Variants in RPGR observed in about 807,000 individuals in gnomAD.
The protein encoded by RPGR is retinitis pigmentosa GTPase regulator.
In RPGR, 10 loss-of-function variants were observed where a neutral mutation model predicts 56.3. The observed-to-expected ratio is 0.18, with a 90% CI of 0.11 to 0.30. The LOEUF (loss-of-function observed/expected upper bound fraction) is 0.30, where lower values mean the gene tolerates loss of function less well. Among genes scored for constraint, RPGR ranks in the 10% least tolerant of loss-of-function variants. RPGR has a pLI of 1.00. For synonymous variants in RPGR, 197 were observed against 212.9 expected (o/e 0.93, Z 0.65); for missense variants, 538 against 590.9 (o/e 0.91, Z 0.93).
At chrX:38,303,702 G>C (rs1428568846) in intron 8 of RPGR, 8 of 294,542 alleles carry the variant, frequency 2.7e-5, no homozygotes, top group Non-Finnish European at 4.1e-5. Context: ...TTCTCTGAAA[G>C]CTTCTTTGGG....
chrX:38,324,152 C>T (rs1197865226), intron 1 of RPGR, among the ~76,000 whole-genome samples: 4 of 111,928 alleles, frequency 3.6e-5, no homozygotes, highest in Non-Finnish European at 7.5e-5. Context: ...GGCACAATCA[C>T]GGCTAACTGC....
chrX:38,276,621 G>A lies in RPGR; in HGVS notation c.2057C>T (p.Thr686Ile). The change falls in exon 16 of 19, where the codon ACC (threonine) becomes ATC (isoleucine). Residue 686 changes from threonine (T) to isoleucine (I), a missense_variant. Thr to Ile is a moderately conservative substitution (Grantham distance 89). Around this residue, in one of 2 missense-constraint regions of RPGR, gnomAD observed 357 missense variants for 325.8 expected, o/e 1.10. Coordinates refer to ENST00000642395, the MANE Select transcript of RPGR (RefSeq NM_000328.3). Reference sequence around the variant, plus strand: ...AGTTTCAGCTGAGCTATCATCATTGGTTCTTTCTGCTCCTTCTGTTTTACT... The same window carrying A: ...AGTTTCAGCTGAGCTATCATCATTGATTCTTTCTGCTCCTTCTGTTTTACT... 1 of 1,210,919 alleles carries A rather than the reference G, an allele frequency of 8.3e-7. No individual in the cohort carries two copies. Among genetic ancestry groups the A allele is most frequent in the Non-Finnish European group, 1.1e-6 (1 of 895,137 alleles).
intron 15 of RPGR, among the ~76,000 whole-genome samples, chrX:38,283,633 T>C (rs1310787969): frequency 8.9e-6 from 1 of 111,819 alleles, no homozygotes; most frequent in Admixed American, 9.5e-5. Flanking sequence ...GAGCACAAAA[T>C]GTTTTTGGCC....
rs1405962406 is a variant in RPGR, at chrX:38,288,451, T to A, written c.1573-410A>T. Among the ~76,000 whole-genome samples, 4 of 112,011 alleles carry A rather than the reference T, an allele frequency of 3.6e-5. No individual in the cohort carries two copies. In the East Asian group the frequency reaches 1.1e-3, roughly 32 times the overall value. On this transcript the variant is annotated intron_variant, in intron 13 of 18. Coordinates refer to ENST00000642395, the MANE Select transcript of RPGR (RefSeq NM_000328.3). ...CTGGCACAGTGGCTCACACCTGTAA[T>A]CCCAGTACTTTAAGAGGCCGAGGCG...
intron 9 of RPGR, among the ~76,000 whole-genome samples, chrX:38,300,216 C>T (rs1285978447): frequency 8.9e-6 from 1 of 111,766 alleles, no homozygotes; most frequent in East Asian, 2.8e-4. Flanking sequence ...TCCCAAAGTG[C>T]TAGGATTACA....
intron 6 of RPGR, among the ~76,000 whole-genome samples, chrX:38,312,453 A>C (rs2067736867): frequency 9.0e-6 from 1 of 111,038 alleles, no homozygotes; most frequent in African/African-American, 3.3e-5. Flanking sequence ...ATCTTCCAAA[A>C]ACAAGGCTCT....
intron 7 of RPGR, among the ~76,000 whole-genome samples, chrX:38,306,403 A>G (rs1440065592): frequency 8.0e-5 from 9 of 112,420 alleles, no homozygotes; most frequent in African/African-American, 2.3e-4. Flanking sequence ...GTATCTAATC[A>G]ACTCATTCTA....
chrX:38,281,357 C>T (rs748121685), intron 15 of RPGR, among the ~76,000 whole-genome samples: 4 of 111,849 alleles, frequency 3.6e-5, no homozygotes, highest in Non-Finnish European at 7.5e-5. Flanking sequence ...GTGTGATCAG[C>T]GTTTCAACAC....
intron 15 of RPGR, chrX:38,284,488 T>C (rs1446241339): frequency 9.3e-6 from 7 of 748,702 alleles, no homozygotes; most frequent in African/African-American, 6.9e-5. Context: ...AGTGAATACA[T>C]TGAGGGCATA....
At chrX:38,304,979 A>G (rs1219258482) in intron 7 of RPGR, 189 bp from the exon 8 acceptor site, 6 of 447,932 alleles carry the variant, frequency 1.3e-5, no homozygotes, top group African/African-American at 2.5e-5. Flanking sequence ...AAAAATGAAA[A>G]GGTACATCAT....
intron 1 of RPGR, among the ~76,000 whole-genome samples, chrX:38,324,658 T>C (rs998596099): frequency 1.0e-4 from 11 of 108,366 alleles, no homozygotes; most frequent in African/African-American, 3.7e-4. Flanking sequence ...GCTACCTCTG[T>C]AAACTCTTCC....
Position 38,297,356 on chromosome X carries a change from G to C in RPGR, c.1342C>G (p.Pro448Ala). 8.3e-7 allele frequency: 1 copy of C among 1,209,586 alleles called. No homozygotes were observed. The highest frequency in any genetic ancestry group is 1.1e-6 in the Non-Finnish European group (1 of 894,367). The change falls in exon 11 of 19, where the codon CCA becomes GCA. Residue 448 changes from proline to alanine, a missense_variant. By Grantham distance (27) the Pro-to-Ala change is conservative. Around this residue, in one of 2 missense-constraint regions of RPGR, gnomAD observed 357 missense variants for 325.8 expected, o/e 1.10. Coordinates refer to ENST00000642395, the MANE Select transcript of RPGR (RefSeq NM_000328.3). ...TGGAGGTTTCTCTCAGAACATCGTG[G>C]AAAGACTGAATTGGGGAGAAAACAA... is the stretch of plus-strand genomic sequence containing the variant.
Position 38,327,331 on chromosome X carries a change from G to A in RPGR, c.28+9C>T. ...CCGGCCTTCCGCCACCGGCGCGGGC[G>A]CAACTCACCGGGCATCAGCTCTTCC... On this transcript the variant is annotated intron_variant, in intron 1 of 18. Coordinates refer to ENST00000642395, the MANE Select transcript of RPGR (RefSeq NM_000328.3). 1 of 1,186,264 alleles carries A rather than the reference G, an allele frequency of 8.4e-7. No individual in the cohort carries two copies. Among genetic ancestry groups the A allele is most frequent in the Non-Finnish European group, 1.1e-6 (1 of 885,100 alleles).
chrX:38,293,987 G>A (rs2067335182), intron 11 of RPGR, among the ~76,000 whole-genome samples: 1 of 111,074 alleles, frequency 9.0e-6, no homozygotes, highest in African/African-American at 3.3e-5. Context: ...CACTTTATCA[G>A]CAAATAGACA....
intron 5 of RPGR, chrX:38,317,703 A>T: frequency 3.0e-6 from 1 of 328,692 alleles, no homozygotes; most frequent in Non-Finnish European, 5.3e-6. Flanking sequence ...TTAAGTCCTG[A>T]CCATATTTTT....
chrX:38,273,365 A>G (rs2066876099), intron 18 of RPGR: 1 of 1,129,426 alleles, frequency 8.9e-7, no homozygotes, highest in East Asian at 3.0e-5. Flanking sequence ...AGGATCAAAA[A>G]AGACAATTCA....
At chrX:38,291,751 A>G (rs957988255) in intron 11 of RPGR, among the ~76,000 whole-genome samples, 4 of 112,097 alleles carry the variant, frequency 3.6e-5, no homozygotes, top group Non-Finnish European at 5.6e-5. Context: ...CTTGGGATAA[A>G]TAACTACCCA....
At chrX:38,286,510 T>C in intron 15 of RPGR, 3 of 885,294 alleles carry the variant, frequency 3.4e-6, no homozygotes, top group Non-Finnish European at 2.8e-6. Flanking sequence ...ACCCTCCTCC[T>C]CTTCCTCTTC....
At chrX:38,280,542 T>C (rs1349245295) in intron 15 of RPGR, among the ~76,000 whole-genome samples, 1 of 110,564 alleles carries the variant, frequency 9.0e-6, no homozygotes, top group Admixed American at 9.7e-5. Flanking sequence ...AGAAACATTA[T>C]TATTATTTGA....
Sources: gnomAD v4.1 joint callset for allele counts (sites outside exome capture counted in the v4.1 genomes callset) on GRCh38, gnomAD v4.1.1 for gene constraint, gnomAD v4.1.1 regional missense constraint, MANE v1.5 for transcripts, NCBI Gene and HGNC (gene_info 2026-07-23, HGNC 2026-07-21) for gene names.